SPATA17: variants seen among roughly 807,000 people sequenced by gnomAD.
The protein encoded by SPATA17 is spermatogenesis associated 17, also known as spermatogenesis-associated protein 17.
A neutral mutation model predicts 62.2 loss-of-function variants in SPATA17; 53 were observed. The observed-to-expected ratio is 0.85, with a 90% CI of 0.68 to 1.07. The LOEUF is 1.07. Ranked by LOEUF, SPATA17 falls within the 50% of genes least tolerant of loss-of-function variation. The pLI, the probability that SPATA17 is intolerant of heterozygous loss-of-function variation, is 0.00. For synonymous variants in SPATA17, 146 were observed against 146.8 expected (o/e 0.99, Z 0.04); for missense variants, 466 against 425.5 (o/e 1.10, Z -0.84).
At chr1:217,829,627 C>CAAAAAAAAAAAAAAAAAA (rs397982930) in intron 9 of SPATA17, among the ~76,000 whole-genome samples, 4 of 46,758 alleles carry the variant, frequency 8.6e-5, no homozygotes, top group Non-Finnish European at 1.4e-4. Context: ...GACTCCATCT[C>CAAAAAAAAAAAAAAAAAA]AAAAAAAAAA....
chr1:217,651,599 A>T lies in SPATA17; in HGVS notation c.240+421A>T, dbSNP rs139239406. ...ATAAGGACGCTAAACTGATCAAAGC[A>T]AAGAATAAGGCTTCTTTTGTCTTCT... On this transcript the variant is annotated intron_variant, in intron 3 of 10. Coordinates refer to ENST00000366933, the MANE Select transcript of SPATA17 (RefSeq NM_138796.4). Among the ~76,000 whole-genome samples the T allele has an allele frequency of 1.2e-4, 18 of 152,354 alleles. No individual in the cohort carries two copies. In the East Asian group the frequency reaches 3.5e-3, roughly 29 times the overall value.
At chr1:217,654,081 C>CT (rs1670379692) in intron 3 of SPATA17, among the ~76,000 whole-genome samples, 1 of 150,780 alleles carries the variant, frequency 6.6e-6, no homozygotes, top group Non-Finnish European at 1.5e-5. Flanking sequence ...TTCTCCCTTC[C>CT]TTTTCTTCTT....
chr1:217,761,924 T>C (rs1407802725), intron 6 of SPATA17, among the ~76,000 whole-genome samples: 2 of 152,188 alleles, frequency 1.3e-5, no homozygotes, highest in Non-Finnish European at 2.9e-5. Context: ...GAACACAATC[T>C]GCTGCTGCAG....
chr1:217,797,221 C>T (rs1674170996), intron 8 of SPATA17, among the ~76,000 whole-genome samples: 1 of 150,832 alleles, frequency 6.6e-6, no homozygotes, highest in East Asian at 2.0e-4. Flanking sequence ...GCCCTCAAAA[C>T]ATTAAATTTA....
intron 8 of SPATA17, among the ~76,000 whole-genome samples, chr1:217,794,571 T>A (rs1674088847): frequency 6.6e-6 from 1 of 152,142 alleles, no homozygotes; most frequent in Admixed American, 6.5e-5. Context: ...TTAGATAAAT[T>A]GAAAAGTAAT....
At chr1:217,639,198 T>C (rs1670001867) in intron 1 of SPATA17, among the ~76,000 whole-genome samples, 1 of 152,140 alleles carries the variant, frequency 6.6e-6, no homozygotes, top group African/African-American at 2.4e-5. Context: ...TCTCATAAGA[T>C]TCTATTCTGG....
chr1:217,673,894 T>C (rs1055721239), intron 4 of SPATA17, among the ~76,000 whole-genome samples: 3 of 152,200 alleles, frequency 2.0e-5, no homozygotes, highest in Non-Finnish European at 2.9e-5. Context: ...TGTCCCTTTT[T>C]CCCATTACCT....
chr1:217,703,329 G>A (rs1034959678), intron 5 of SPATA17, among the ~76,000 whole-genome samples: 10 of 151,778 alleles, frequency 6.6e-5, no homozygotes, highest in African/African-American at 2.4e-4. Flanking sequence ...CCACCACCAT[G>A]CCCGGCTAGC....
intron 3 of SPATA17, among the ~76,000 whole-genome samples, chr1:217,666,544 TA>T (rs980834170): frequency 2.6e-5 from 4 of 152,054 alleles, no homozygotes; most frequent in African/African-American, 4.8e-5. Context: ...TTTTAGTTTT[TA>T]AAAAAATTAT....
intron 5 of SPATA17, among the ~76,000 whole-genome samples, chr1:217,701,312 T>G (rs1427441225): frequency 6.6e-6 from 1 of 151,830 alleles, no homozygotes; most frequent in Non-Finnish European, 1.5e-5. Context: ...TGTGTGTGTG[T>G]GTGTGTATAT....
At chr1:217,825,009 A>T (rs896854086) in intron 9 of SPATA17, among the ~76,000 whole-genome samples, 10 of 150,384 alleles carry the variant, frequency 6.6e-5, no homozygotes, top group African/African-American at 2.4e-4. Flanking sequence ...TTATATACAT[A>T]TGAATATTTG....
chr1:217,801,781 C>A lies in SPATA17; in HGVS notation c.936C>A (p.Ser312Arg). 1 of 1,611,222 alleles carries A rather than the reference C, an allele frequency of 6.2e-7. No homozygotes were observed. The highest frequency in any genetic ancestry group is 8.5e-7 in the Non-Finnish European group (1 of 1,178,642). Reference protein sequence around the residue: ...EKYIPSMHLSSKYGPISYKEQ... With the variant: ...EKYIPSMHLSRKYGPISYKEQ... ...ACATCCCATCAATGCATTTATCAAGCAAGTATGGTCCTATTTCTTACAAAG... is the reference window on the plus strand; with the variant it reads ...ACATCCCATCAATGCATTTATCAAGAAAGTATGGTCCTATTTCTTACAAAG... Residue 312 changes from serine to arginine, a missense_variant, in exon 9 of 11, where the codon AGC becomes AGA. By Grantham distance (110) the Ser-to-Arg change is moderately radical. Transcript: ENST00000366933.
At chr1:217,752,235 C>T (rs1361308009) in intron 6 of SPATA17, among the ~76,000 whole-genome samples, 1 of 151,978 alleles carries the variant, frequency 6.6e-6, no homozygotes, top group Admixed American at 6.6e-5. Flanking sequence ...GCTGTGTTGC[C>T]CAGGCTGCTC....
At chr1:217,642,746 G>A (rs1439873603) in intron 1 of SPATA17, among the ~76,000 whole-genome samples, 1 of 152,172 alleles carries the variant, frequency 6.6e-6, no homozygotes, top group Admixed American at 6.5e-5. Flanking sequence ...TAAGACATGT[G>A]TGCTTCTTCT....
chr1:217,825,460 C>T (rs763398041), intron 9 of SPATA17, among the ~76,000 whole-genome samples: 27 of 151,786 alleles, frequency 1.8e-4, no homozygotes, highest in Non-Finnish European at 2.1e-4. Context: ...TTCTTTTTCA[C>T]TCGTGTAAAA....
At chr1:217,688,267 T>A (rs1265854500) in intron 5 of SPATA17, among the ~76,000 whole-genome samples, 1 of 152,108 alleles carries the variant, frequency 6.6e-6, no homozygotes, top group East Asian at 1.9e-4. Flanking sequence ...AAATATTTTT[T>A]AAAAAACTGG....
intron 3 of SPATA17, among the ~76,000 whole-genome samples, chr1:217,654,985 T>C (rs554036721): frequency 2.0e-4 from 31 of 152,262 alleles, no homozygotes; most frequent in East Asian, 3.9e-4. Context: ...GCTGGGATTA[T>C]AGGCGTGAGC....
intron 9 of SPATA17, among the ~76,000 whole-genome samples, chr1:217,807,352 A>C (rs1229790085): frequency 6.6e-6 from 1 of 151,924 alleles, no homozygotes; most frequent in Non-Finnish European, 1.5e-5. Flanking sequence ...AAAAGTCCAA[A>C]CCCCAGTATT....
intron 6 of SPATA17, among the ~76,000 whole-genome samples, chr1:217,751,468 C>G (rs1017068926): frequency 6.6e-6 from 1 of 152,218 alleles, no homozygotes; most frequent in African/African-American, 2.4e-5. Flanking sequence ...GCTCACATCA[C>G]AGAATCATCA....
Sources: allele counts gnomAD v4.1 joint callset (sites outside exome capture counted in the v4.1 genomes callset), GRCh38; gene constraint gnomAD v4.1.1; transcripts MANE v1.5; gene names NCBI Gene and HGNC (gene_info 2026-07-23, HGNC 2026-07-21).